TPGS2: variants seen among roughly 807,000 people sequenced by gnomAD.
TPGS2 encodes the protein polyglutamylase subunit 2.
Under a neutral mutation model 31.1 loss-of-function variants are expected in TPGS2, and 26 were observed. The observed-to-expected ratio is 0.84, with a 90% CI of 0.61 to 1.16. The LOEUF is 1.16. Ranked by LOEUF, TPGS2 falls within the 50% of genes most tolerant of loss-of-function variation. The pLI is 0.00. For missense variants in TPGS2, 351 were observed against 363.8 expected (o/e 0.96, Z 0.29); for synonymous variants, 130 against 136.6 (o/e 0.95, Z 0.34).
At chr18:36,802,752 C>T (rs55771968) in intron 4 of TPGS2, among the ~76,000 whole-genome samples, 4,934 of 152,018 alleles carry the variant, frequency 0.032, 94 homozygotes, top group Non-Finnish European at 0.047. Flanking sequence ...CTCAGCCTCC[C>T]GAGTAGCTGG....
At chr18:36,800,529 A>G (rs1470330483) in intron 4 of TPGS2, among the ~76,000 whole-genome samples, 3 of 152,204 alleles carry the variant, frequency 2.0e-5, no homozygotes, top group Non-Finnish European at 4.4e-5. Flanking sequence ...GCAACAGACA[A>G]TGTCAGGGAA....
chr18:36,819,303 T>C (rs544453478), intron 1 of TPGS2, among the ~76,000 whole-genome samples: 1 of 152,336 alleles, frequency 6.6e-6, no homozygotes, highest in South Asian at 2.1e-4. Context: ...GCTAAATCTA[T>C]ATACTCAGGA....
At chr18:36,797,103 C>G in intron 6 of TPGS2, 53 bp from the exon 7 acceptor site, 1 of 1,586,002 alleles carries the variant, frequency 6.3e-7, no homozygotes. Flanking sequence ...AAATGCCATT[C>G]TGTGTGCTCT....
At chr18:36,815,723 G>A (rs1160665679) in intron 2 of TPGS2, among the ~76,000 whole-genome samples, 1 of 152,058 alleles carries the variant, frequency 6.6e-6, no homozygotes, top group Admixed American at 6.5e-5. Context: ...CACCCCAAAG[G>A]CTATCTTATC....
chr18:36,825,513 A>G (rs1212936290), intron 1 of TPGS2, among the ~76,000 whole-genome samples: 3 of 152,012 alleles, frequency 2.0e-5, no homozygotes, highest in African/African-American at 7.2e-5. Flanking sequence ...TCATTGATCT[A>G]CATTTCTAGT....
intron 2 of TPGS2, among the ~76,000 whole-genome samples, chr18:36,816,060 A>G (rs1367753160): frequency 6.6e-6 from 1 of 152,178 alleles, no homozygotes; most frequent in Admixed American, 6.5e-5. Flanking sequence ...CTCAAAGGAA[A>G]ATTCCAAATC....
At chr18:36,798,392 T>A in intron 6 of TPGS2, 57 bp downstream of exon 6, 1 of 1,608,104 alleles carries the variant, frequency 6.2e-7, no homozygotes, top group Non-Finnish European at 8.5e-7. Flanking sequence ...TGTAACCATT[T>A]CCTCAGTAGA....
At chr18:36,786,552 T>G (rs766071095) in intron 6 of TPGS2, 23 of 244,206 alleles carry the variant, frequency 9.4e-5, no homozygotes, top group Admixed American at 3.9e-4. Context: ...GAGGGGTGCA[T>G]GACTTAACCC....
intron 2 of TPGS2, among the ~76,000 whole-genome samples, chr18:36,815,536 A>G (rs2045613860): frequency 6.6e-6 from 1 of 152,132 alleles, no homozygotes. Context: ...AGGGATCCCA[A>G]TGCCTACCCT....
At chr18:36,797,851 G>A (rs1441378730) in intron 6 of TPGS2, among the ~76,000 whole-genome samples, 1 of 151,874 alleles carries the variant, frequency 6.6e-6, no homozygotes, top group Non-Finnish European at 1.5e-5. Flanking sequence ...TATAAATGAG[G>A]CACACCCACA....
At chr18:36,828,332 T>C (rs1342687504) in intron 1 of TPGS2, among the ~76,000 whole-genome samples, 1 of 152,126 alleles carries the variant, frequency 6.6e-6, no homozygotes, top group Non-Finnish European at 1.5e-5. Flanking sequence ...TCGGGGATAA[T>C]GCCCTGGCTG....
downstream of TPGS2, chr18:36,782,974 G>A (rs756760099): frequency 2.2e-4 from 88 of 397,496 alleles, no homozygotes; most frequent in Non-Finnish European, 3.7e-4. Flanking sequence ...CTGGGACAGA[G>A]GTGAACCCAG....
chr18:36,814,667 C>A (rs2045576492), intron 2 of TPGS2, among the ~76,000 whole-genome samples: 1 of 152,146 alleles, frequency 6.6e-6, no homozygotes, highest in Non-Finnish European at 1.5e-5. Context: ...TGTGTTTTTC[C>A]CACATCAAAA....
chr18:36,816,573 C>A (rs376295211), intron 2 of TPGS2, among the ~76,000 whole-genome samples: 1 of 152,160 alleles, frequency 6.6e-6, no homozygotes, highest in Non-Finnish European at 1.5e-5. Context: ...CAGGAAAACA[C>A]GAGGATCTGA....
At position 36,815,582 on chromosome 18, in the gene TPGS2, G is replaced by C. The variant is rs559304610; in HGVS notation, c.165+3312C>G. Among the ~76,000 whole-genome samples the C allele has an allele frequency of 3.3e-5, 5 of 151,892 alleles. No individual in the cohort carries two copies. The East Asian group carries it at 7.7e-4, about 24-fold the overall frequency. On this transcript the variant is annotated intron_variant, in intron 2 of 6. Coordinates refer to ENST00000334295, the MANE Select transcript of TPGS2 (RefSeq NM_015476.4). ...ACATAACCAAAAATACACCAGCTGT[G>C]GTTATGTCTAGGTAGGAAAATCCTA...
chr18:36,799,591 C>A (rs998921037), intron 5 of TPGS2, among the ~76,000 whole-genome samples: 1 of 152,194 alleles, frequency 6.6e-6, no homozygotes, highest in Non-Finnish European at 1.5e-5. Context: ...TACTTTGCAA[C>A]AATTCCTCTG....
chr18:36,782,128 A>T (rs1218035280), downstream of TPGS2, among the ~76,000 whole-genome samples: 2 of 152,226 alleles, frequency 1.3e-5, no homozygotes, highest in African/African-American at 4.8e-5. Context: ...TGTTTAGTGA[A>T]CAAATATGTC....
intron 6 of TPGS2, 87 bp from the exon 7 acceptor site, chr18:36,797,137 G>A: frequency 6.4e-7 from 1 of 1,562,896 alleles, no homozygotes; most frequent in South Asian, 1.2e-5. Context: ...AGGAGAGTTG[G>A]GAACAGGAGG....
chr18:36,796,829 G>C lies in TPGS2; in HGVS notation c.879C>G (p.Gly293=). 4 of 1,599,580 alleles carry C rather than the reference G, an allele frequency of 2.5e-6. No homozygotes were observed. The highest frequency in any genetic ancestry group is 3.4e-6 in the Non-Finnish European group (4 of 1,176,066). Residue 293 remains glycine, a synonymous_variant, in exon 7 of 7, where the codon GGC becomes GGG. Transcript: ENST00000334295. ...CTCACTTCCGGGTGGGGTTTCCAGA[G>C]CCAGAGGAGGATTTAGAAGTGGAGG... ...STSSTSKSSS[G]SGNPTRK
Sources: gnomAD v4.1 joint callset for allele counts (sites outside exome capture counted in the v4.1 genomes callset) on GRCh38, gnomAD v4.1.1 for gene constraint, MANE v1.5 for transcripts, NCBI Gene and HGNC (gene_info 2026-07-23, HGNC 2026-07-21) for gene names.